Variants in PLXNC1 observed in about 807,000 individuals in gnomAD.
The protein encoded by PLXNC1 is plexin C1, also known as plexin-C1.
PLXNC1 carries 75 observed loss-of-function variants against 178.2 expected under a neutral mutation model. The observed-to-expected ratio is 0.42, with a 90% CI of 0.35 to 0.51. The LOEUF (loss-of-function observed/expected upper bound fraction) is 0.51, where lower values mean the gene tolerates loss of function less well. Ranked by LOEUF, PLXNC1 falls within the 20% of genes least tolerant of loss-of-function variation. PLXNC1 has a pLI of 0.02. For synonymous variants in PLXNC1, 790 were observed against 779.9 expected, an observed-to-expected ratio of 1.01 and a Z score of -0.22; for missense variants, 1,503 against 1,984.4, an observed-to-expected ratio of 0.76 and a Z score of 4.61.
At chr12:94,271,145 T>C (rs1309807403) in intron 21 of PLXNC1, among the ~76,000 whole-genome samples, 1 of 152,248 alleles carries the variant, frequency 6.6e-6, no homozygotes, top group East Asian at 1.9e-4. Flanking sequence ...CATTCGGCCC[T>C]GAAATAAAAT....
At chr12:94,284,415 T>C (rs971337359) in intron 23 of PLXNC1, among the ~76,000 whole-genome samples, 2 of 152,114 alleles carry the variant, frequency 1.3e-5, no homozygotes, top group African/African-American at 4.8e-5. Flanking sequence ...ATGGAGTTGG[T>C]TAGGTCAGAT....
At position 94,184,840 on chromosome 12, in the gene PLXNC1, G is replaced by A. The variant is rs116953371; in HGVS notation, c.1339-1533G>A. Among the ~76,000 whole-genome samples, 14 of 152,318 alleles carry A rather than the reference G, an allele frequency of 9.2e-5. No homozygotes were observed. The East Asian group carries it at 2.3e-3, about 25-fold the overall frequency. On this transcript the variant is annotated intron_variant, in intron 3 of 30. Transcript: ENST00000258526. ...AGCAAAAGTGGTCCCAGAACCAGCTGTTACTTACTATACCCCTCCTGGAAT... is the reference window on the plus strand; with the variant it reads ...AGCAAAAGTGGTCCCAGAACCAGCTATTACTTACTATACCCCTCCTGGAAT...
At chr12:94,162,005 G>A (rs1961400844) in intron 1 of PLXNC1, among the ~76,000 whole-genome samples, 1 of 152,218 alleles carries the variant, frequency 6.6e-6, no homozygotes, top group Non-Finnish European at 1.5e-5. Context: ...TGCTGAGGTG[G>A]ATGCTGCATT....
intron 21 of PLXNC1, chr12:94,278,055 G>GC (rs777255489): frequency 3.7e-5 from 17 of 455,838 alleles, no homozygotes; most frequent in Middle Eastern, 3.3e-4. Context: ...CGGCTTTGGA[G>GC]CCCCCCCTCC....
In PLXNC1 at chr12:94,305,427, A is replaced by C. The variant is rs1384184218; in HGVS notation, c.*142A>C. 1.7e-6 allele frequency: 1 copy of C among 600,914 alleles called. No individual in the cohort carries two copies. The highest frequency in any genetic ancestry group is 2.8e-5 in the East Asian group (1 of 35,972). The allele number at this position is 600,914 out of a possible 1,614,324, so 37.2% of individuals were successfully genotyped here. On this transcript the variant is annotated 3_prime_UTR_variant, in exon 31 of 31. Coordinates refer to ENST00000258526, the MANE Select transcript of PLXNC1 (RefSeq NM_005761.3). ...CACTGTCTTTTTAAGAGACCAAGGC[A>C]CATGCACAGCTTTTAGAAAGCATAC... is the stretch of plus-strand genomic sequence containing the variant.
chr12:94,262,709 C>G (rs1416944027), intron 20 of PLXNC1: 1 of 985,486 alleles, frequency 1.0e-6, no homozygotes. Flanking sequence ...AGCCCTAGTC[C>G]TCCTGTCCTA....
intron 5 of PLXNC1, 27 bp from the exon 6 acceptor site, chr12:94,219,989 T>A (rs1592778593): frequency 9.9e-7 from 1 of 1,013,084 alleles, no homozygotes; most frequent in Non-Finnish European, 1.4e-6. Flanking sequence ...AAAATCATCA[T>A]TTTTTCCCCA....
At chr12:94,237,164 C>T (rs1288209900) in intron 9 of PLXNC1, among the ~76,000 whole-genome samples, 1 of 152,148 alleles carries the variant, frequency 6.6e-6, no homozygotes. Flanking sequence ...GGTTTTTCCC[C>T]CTGCAGTATC....
chr12:94,214,541 C>A (rs1207677962), intron 5 of PLXNC1, among the ~76,000 whole-genome samples: 3 of 152,214 alleles, frequency 2.0e-5, no homozygotes, highest in African/African-American at 7.2e-5. Context: ...ATTACTTACT[C>A]ATCTTAAGTG....
intron 1 of PLXNC1, among the ~76,000 whole-genome samples, chr12:94,164,981 T>C (rs1016377163): frequency 1.3e-5 from 2 of 152,118 alleles, no homozygotes; most frequent in African/African-American, 2.4e-5. Context: ...TCGGATTTTG[T>C]CATGAAAGGC....
In PLXNC1 at chr12:94,297,226, T is replaced by C; in HGVS notation, c.3966+6T>C. ...CGGATGACCACTGCCATTTGGTGAG[T>C]TCAGGCTTTCTTGTGCTCACCACTG... On this transcript the variant is annotated splice_donor_region_variant and intron_variant, in intron 25 of 30. Transcript: ENST00000258526. 1 of 1,613,970 alleles carries C rather than the reference T, an allele frequency of 6.2e-7. No homozygotes were observed. The highest frequency in any genetic ancestry group is 1.1e-5 in the South Asian group (1 of 91,062).
Position 94,279,620 on chromosome 12 carries a change from A to G in PLXNC1, c.3746A>G (p.Tyr1249Cys). 2 of 1,614,232 alleles carry G rather than the reference A, an allele frequency of 1.2e-6. No individual in the cohort carries two copies. Among genetic ancestry groups the G allele is most frequent in the East Asian group, 2.2e-5 (1 of 44,888 alleles). Residue 1249 changes from tyrosine to cysteine, a missense_variant, in exon 22 of 31, where the codon TAT becomes TGT. By Grantham distance (194) the Tyr-to-Cys change is radical. Transcript: ENST00000258526. ...TTCTTAAGCAAAAATGGCTCTCCTT[A>G]TGGACTTCAGCTTAATGAAATTGGT... Reference protein sequence around the residue: ...QAFLSKNGSPYGLQLNEIGLE... With the variant: ...QAFLSKNGSPCGLQLNEIGLE...
At chr12:94,295,458 C>T (rs572913582) in intron 24 of PLXNC1, among the ~76,000 whole-genome samples, 1 of 152,140 alleles carries the variant, frequency 6.6e-6, no homozygotes, top group South Asian at 2.1e-4. Flanking sequence ...AAAGATTGGG[C>T]CTTTTGAAGA....
At position 94,149,629 on chromosome 12, in the gene PLXNC1, C is replaced by T. The variant is rs746906046; in HGVS notation, c.658C>T (p.Leu220=). 93 of 1,594,104 alleles carry T rather than the reference C, an allele frequency of 5.8e-5. No individual in the cohort carries two copies. Among genetic ancestry groups the T allele is most frequent in the Non-Finnish European group, 6.2e-5 (73 of 1,171,052 alleles). ...GGGGCGCAGCCTGGCCACGCAGGAG[C>T]TGGGGCGCCTCAAGCTGTGCGAGGG... is the stretch of plus-strand genomic sequence containing the variant. ...TEGRSLATQE[L]GRLKLCEGAG... is the part of the protein sequence containing the mutation. The change falls in exon 1 of 31, where the codon CTG becomes TTG. Residue 220 remains leucine (L), a synonymous_variant. Transcript: ENST00000258526.
intron 2 of PLXNC1, among the ~76,000 whole-genome samples, chr12:94,180,926 T>G (rs1446132260): frequency 6.6e-6 from 1 of 152,200 alleles, no homozygotes. Context: ...TGTTTGTTCA[T>G]TTTTGGTAAC....
Position 94,283,102 on chromosome 12 carries a change from G to C in PLXNC1, c.3879+701G>C, listed in dbSNP as rs141182810. Among the ~76,000 whole-genome samples, 334 of 152,304 alleles carry C rather than the reference G, an allele frequency of 2.2e-3. 2 individuals are homozygous for C. Among genetic ancestry groups the C allele is most frequent in the African/African-American group, 7.7e-3 (319 of 41,546 alleles). Reference sequence around the variant, plus strand: ...AGAGCTGGGGCTGCATGGGAGAGGAGCAAAGACCAGGTCCCTGCCCTCACA... The same window carrying C: ...AGAGCTGGGGCTGCATGGGAGAGGACCAAAGACCAGGTCCCTGCCCTCACA... On this transcript the variant is annotated intron_variant, in intron 23 of 30. Coordinates refer to ENST00000258526, the MANE Select transcript of PLXNC1 (RefSeq NM_005761.3).
intron 24 of PLXNC1, among the ~76,000 whole-genome samples, chr12:94,295,903 C>CT (rs1967875955): frequency 6.6e-6 from 1 of 152,210 alleles, no homozygotes; most frequent in Non-Finnish European, 1.5e-5. Context: ...ACCCTGCACT[C>CT]TTTACAGAGA....
In PLXNC1 at chr12:94,169,177, G is replaced by T. The variant is rs1961744936; in HGVS notation, c.1087G>T (p.Val363Phe). ...GAAAGAAGGGGATCAACCTGAAAGA[G>T]TCCAACCAATCGCATCATCTACCTT... ...HCKEGDQPER[V>F]QPIASSTLIH... Residue 363 changes from valine (V) to phenylalanine (F), a missense_variant, in exon 2 of 31, where the codon GTC becomes TTC. By Grantham distance (50) the Val-to-Phe change is conservative. This residue lies in a region of PLXNC1 where 615 missense variants were observed against 698.6 expected (regional missense o/e 0.88). Transcript: ENST00000258526. The T allele has an allele frequency of 1.2e-6, 2 of 1,613,850 alleles. No individual in the cohort carries two copies. The highest frequency in any genetic ancestry group is 2.7e-5 in the African/African-American group (2 of 74,906).
At chr12:94,248,469 T>G in intron 14 of PLXNC1, 57 bp downstream of exon 14, 1 of 1,313,648 alleles carries the variant, frequency 7.6e-7, no homozygotes, top group Non-Finnish European at 1.1e-6. Context: ...GATAATTCCT[T>G]GGCTAAACCA....
Sources: gnomAD v4.1 joint callset for allele counts (sites outside exome capture counted in the v4.1 genomes callset) on GRCh38, gnomAD v4.1.1 for gene constraint, gnomAD v4.1.1 regional missense constraint, MANE v1.5 for transcripts, NCBI Gene and HGNC (gene_info 2026-07-23, HGNC 2026-07-21) for gene names.